The following NALF1 variants were observed in gnomAD, a reference collection of about 807,000 sequenced individuals.
NALF1 encodes the protein family with sequence similarity 155 member A.
Under a neutral mutation model 48.4 loss-of-function variants are expected in NALF1, and 3 were observed. The observed-to-expected ratio is 0.06, with a 90% CI of 0.03 to 0.16. The LOEUF (loss-of-function observed/expected upper bound fraction) is 0.16. Among genes scored for constraint, NALF1 ranks in the 10% least tolerant of loss-of-function variants. The probability of loss-of-function intolerance (pLI) is 1.00; values close to 1 mark genes in which losing one functional copy is unlikely to be tolerated. For missense variants in NALF1, 526 were observed against 571.5 expected (o/e 0.92, Z 0.81); for synonymous variants, 262 against 245.7 (o/e 1.07, Z -0.62).
chr13:107,369,080 G>A (rs1883203313), intron 1 of NALF1, among the ~76,000 whole-genome samples: 1 of 152,222 alleles, frequency 6.6e-6, no homozygotes, highest in African/African-American at 2.4e-5. Context: ...TTGCCTCCAT[G>A]TCCCTTTCTC....
At chr13:107,315,830 C>G (rs1882136698) in intron 1 of NALF1, among the ~76,000 whole-genome samples, 1 of 150,268 alleles carries the variant, frequency 6.7e-6, no homozygotes, top group Non-Finnish European at 1.5e-5. Flanking sequence ...ATGGGCATAT[C>G]TCTTTCCAAT....
At chr13:107,399,090 G>A (rs1466402213) in intron 1 of NALF1, among the ~76,000 whole-genome samples, 1 of 152,102 alleles carries the variant, frequency 6.6e-6, no homozygotes. Context: ...GTTATAGATT[G>A]TGCGCACCGT....
At chr13:107,792,966 C>G (rs1469511254) in intron 1 of NALF1, among the ~76,000 whole-genome samples, 2 of 152,088 alleles carry the variant, frequency 1.3e-5, no homozygotes, top group African/African-American at 4.8e-5. Flanking sequence ...AACCACTGAG[C>G]CTGGCCTCTT....
At chr13:107,561,582 T>C (rs1432529282) in intron 1 of NALF1, among the ~76,000 whole-genome samples, 2 of 152,220 alleles carry the variant, frequency 1.3e-5, no homozygotes, top group African/African-American at 4.8e-5. Flanking sequence ...CAGTCGCTAC[T>C]TTGCCCTTTA....
chr13:107,611,512 G>A (rs1264795439), intron 1 of NALF1, among the ~76,000 whole-genome samples: 1 of 152,044 alleles, frequency 6.6e-6, no homozygotes, highest in African/African-American at 2.4e-5. Context: ...TTAAAAACAA[G>A]GAAATCTTGT....
intron 1 of NALF1, among the ~76,000 whole-genome samples, chr13:107,214,097 T>C (rs1023140737): frequency 3.3e-5 from 5 of 152,268 alleles, no homozygotes; most frequent in African/African-American, 1.2e-4. Flanking sequence ...AAAATTCCAA[T>C]AGACTTTCAA....
intron 1 of NALF1, among the ~76,000 whole-genome samples, chr13:107,786,416 CAAAAAA>C (rs34857705): frequency 1.3e-4 from 4 of 29,712 alleles, no homozygotes; most frequent in Non-Finnish European, 1.8e-4. Context: ...AACTCTTTCT[CAAAAAA>C]AAAAAAAAAA....
At chr13:107,270,913 T>C (rs1221955405) in intron 1 of NALF1, among the ~76,000 whole-genome samples, 1 of 150,576 alleles carries the variant, frequency 6.6e-6, no homozygotes, top group Non-Finnish European at 1.5e-5. Flanking sequence ...GAATATGCGG[T>C]GTTTGGTTTT....
chr13:107,419,251 G>A (rs923994267), intron 1 of NALF1, among the ~76,000 whole-genome samples: 2 of 152,086 alleles, frequency 1.3e-5, no homozygotes, highest in Admixed American at 1.3e-4. Flanking sequence ...TAAAACAAAG[G>A]TAGGTTTTTC....
At chr13:107,354,939 C>G (rs1882936697) in intron 1 of NALF1, among the ~76,000 whole-genome samples, 1 of 152,140 alleles carries the variant, frequency 6.6e-6, no homozygotes, top group Admixed American at 6.5e-5. Context: ...GATCACCCAC[C>G]CTGGCTGAGA....
intron 1 of NALF1, among the ~76,000 whole-genome samples, chr13:107,574,894 C>A (rs1036873967): frequency 3.3e-5 from 5 of 152,138 alleles, no homozygotes. Flanking sequence ...AGGGTAGGCA[C>A]ATGAGAAGTT....
intron 1 of NALF1, among the ~76,000 whole-genome samples, chr13:107,709,290 T>G (rs1173456810): frequency 6.6e-6 from 1 of 152,206 alleles, no homozygotes; most frequent in Non-Finnish European, 1.5e-5. Flanking sequence ...GTTGGTATAG[T>G]TAAATTTTCT....
intron 1 of NALF1, among the ~76,000 whole-genome samples, chr13:107,860,832 T>A (rs1040041878): frequency 4.6e-5 from 7 of 152,372 alleles, no homozygotes; most frequent in African/African-American, 1.4e-4. Context: ...TAATGAATTA[T>A]GATTTACATG....
intron 1 of NALF1, among the ~76,000 whole-genome samples, chr13:107,461,695 G>C (rs934414389): frequency 7.9e-5 from 12 of 152,160 alleles, no homozygotes; most frequent in African/African-American, 2.9e-4. Flanking sequence ...TCTTCTGCAA[G>C]GTGGCATATA....
At chr13:107,394,066 C>T (rs1000054941) in intron 1 of NALF1, among the ~76,000 whole-genome samples, 1 of 152,226 alleles carries the variant, frequency 6.6e-6, no homozygotes, top group African/African-American at 2.4e-5. Flanking sequence ...ATGTAACAAA[C>T]GCATGATGCC....
At chr13:107,455,082 T>C (rs1211798108) in intron 1 of NALF1, among the ~76,000 whole-genome samples, 1 of 152,172 alleles carries the variant, frequency 6.6e-6, no homozygotes, top group Non-Finnish European at 1.5e-5. Context: ...TGAGTTCTTA[T>C]GAGACCTGAT....
chr13:107,714,614 G>A (rs550879578), intron 1 of NALF1, among the ~76,000 whole-genome samples: 2 of 59,884 alleles, frequency 3.3e-5, no homozygotes, highest in East Asian at 1.8e-3. Context: ...GGGTGACAGA[G>A]TGAGGCTTTA....
At chr13:107,211,888 T>C (rs1187309467) in intron 1 of NALF1, among the ~76,000 whole-genome samples, 1 of 152,234 alleles carries the variant, frequency 6.6e-6, no homozygotes, top group Non-Finnish European at 1.5e-5. Flanking sequence ...ATTCTCAGCA[T>C]GCACTTTTGA....
At chr13:107,623,092 A>G (rs1879570475) in intron 1 of NALF1, among the ~76,000 whole-genome samples, 1 of 152,166 alleles carries the variant, frequency 6.6e-6, no homozygotes, top group African/African-American at 2.4e-5. Flanking sequence ...ACTTTATTAT[A>G]ATGGTGTCAG....
Sources: gnomAD v4.1 joint callset for allele counts (sites outside exome capture counted in the v4.1 genomes callset) on GRCh38, gnomAD v4.1.1 for gene constraint, MANE v1.5 for transcripts, NCBI Gene and HGNC (gene_info 2026-07-23, HGNC 2026-07-21) for gene names.